The following NDUFAF7 variants were observed in gnomAD, a reference collection of about 807,000 sequenced individuals.
The protein encoded by NDUFAF7 is protein arginine methyltransferase NDUFAF7, mitochondrial.
In NDUFAF7, 48 loss-of-function variants were observed where a neutral mutation model predicts 47.2. The ratio of observed to expected loss-of-function variants is 1.02; its 90% CI spans 0.81 to 1.29. NDUFAF7 has a LOEUF of 1.29. Ranked by LOEUF, NDUFAF7 falls within the 50% of genes most tolerant of loss-of-function variation. The probability of loss-of-function intolerance (pLI) is 0.00; values close to 1 mark genes in which losing one functional copy is unlikely to be tolerated. For synonymous variants in NDUFAF7, 217 were observed against 190.0 expected, an observed-to-expected ratio of 1.14 and a Z score of -1.17; for missense variants, 635 against 537.6, an observed-to-expected ratio of 1.18 and a Z score of -1.79.
the NDUFAF7 span, chr2:37,267,628 T>C: frequency 2.2e-5 from 21 of 942,954 alleles, no homozygotes; most frequent in South Asian, 2.2e-4. Context: ...GTATTTACTC[T>C]TGAATTTTCT....
the NDUFAF7 span, among the ~76,000 whole-genome samples, chr2:37,261,472 G>A: frequency 6.9e-6 from 1 of 144,344 alleles, no homozygotes; most frequent in Non-Finnish European, 1.5e-5. Context: ...GGGAGACAGA[G>A]CGAGACTTTG....
intron 5 of NDUFAF7, chr2:37,242,023 GT>G (rs1666401897): frequency 1.8e-6 from 1 of 570,508 alleles, no homozygotes; most frequent in Non-Finnish European, 3.1e-6. Flanking sequence ...CAAACAAAAT[GT>G]AAATCTCCTT....
At chr2:37,261,939 A>G in the NDUFAF7 span, among the ~76,000 whole-genome samples, 2 of 152,238 alleles carry the variant, frequency 1.3e-5, no homozygotes, top group South Asian at 2.1e-4. Flanking sequence ...CATAAATTAC[A>G]TAAGATATTC....
chr2:37,247,654 TA>T, intron 9 of NDUFAF7, 25 bp downstream of exon 9: 1 of 1,611,218 alleles, frequency 6.2e-7, no homozygotes, highest in South Asian at 1.1e-5. Context: ...ATTTCACTGT[TA>T]TTAAGTACTT....
downstream of NDUFAF7, among the ~76,000 whole-genome samples, chr2:37,250,135 G>C (rs1237184796): frequency 1.3e-5 from 2 of 151,560 alleles, no homozygotes; most frequent in Non-Finnish European, 2.9e-5. Flanking sequence ...TAAAAGATTA[G>C]ACACCCCTGC....
At chr2:37,240,499 A>T (rs1280078498) in intron 4 of NDUFAF7, among the ~76,000 whole-genome samples, 2 of 151,898 alleles carry the variant, frequency 1.3e-5, no homozygotes, top group East Asian at 3.8e-4. Flanking sequence ...TAAAGGATTT[A>T]AAAAATATAT....
the NDUFAF7 span, among the ~76,000 whole-genome samples, chr2:37,259,283 C>A: frequency 6.6e-6 from 1 of 152,178 alleles, no homozygotes; most frequent in African/African-American, 2.4e-5. Flanking sequence ...GGTATTTATC[C>A]TAAGTACCAT....
intron 3 of NDUFAF7, among the ~76,000 whole-genome samples, chr2:37,237,485 C>T (rs574704428): frequency 6.6e-6 from 1 of 152,216 alleles, no homozygotes; most frequent in Admixed American, 6.5e-5. Flanking sequence ...TAATACCTTT[C>T]TGCTAGTGAT....
chr2:37,256,966 G>T, downstream of NDUFAF7: 4 of 1,608,722 alleles, frequency 2.5e-6, no homozygotes, highest in Non-Finnish European at 3.4e-6. Context: ...TTGTATTATA[G>T]TGTTATATAT....
rs1030966417 is a variant in NDUFAF7 at position 37,248,771 on chromosome 2, G to A, written c.*421G>A. The A allele has an allele frequency of 1.2e-5, 3 of 247,132 alleles. No individual in the cohort carries two copies. Among genetic ancestry groups the A allele is most frequent in the African/African-American group, 2.3e-5 (1 of 43,872 alleles). 15.3% of individuals were successfully genotyped at this position (247,132 alleles called of 1,614,324 possible). On this transcript the variant is annotated 3_prime_UTR_variant, in exon 10 of 10. Transcript: ENST00000002125. ...CTCTACTAAAAATACAAAACTAGCC[G>A]GGTATGGTGGTACATGCCTGTAATC...
At chr2:37,270,258 T>C in the NDUFAF7 span, among the ~76,000 whole-genome samples, 2 of 150,500 alleles carry the variant, frequency 1.3e-5, no homozygotes, top group Admixed American at 6.7e-5. Context: ...ATTTATTAAG[T>C]AGTGATCTAT....
chr2:37,233,640 AG>A (rs200691353), intron 2 of NDUFAF7, among the ~76,000 whole-genome samples: 3,282 of 148,290 alleles, frequency 0.022, 92 homozygotes, highest in Middle Eastern at 0.038. Context: ...AAAAAAAAAA[AG>A]TGAGCCTGGT....
At chr2:37,269,341 C>T in the NDUFAF7 span, 1 of 399,902 alleles carries the variant, frequency 2.5e-6, no homozygotes, top group Non-Finnish European at 4.7e-6. Context: ...ATCTCCCCCC[C>T]TGCCTCCGAC....
chr2:37,232,061 T>C (rs764485999), intron 1 of NDUFAF7, 45 bp from the exon 2 acceptor site: 1 of 1,613,946 alleles, frequency 6.2e-7, no homozygotes, highest in Admixed American at 1.7e-5. Flanking sequence ...CGCTCGTGAA[T>C]GGTCAGATTT....
chr2:37,244,230 C>T (rs181250640), intron 7 of NDUFAF7, among the ~76,000 whole-genome samples: 1 of 152,198 alleles, frequency 6.6e-6, no homozygotes, highest in Non-Finnish European at 1.5e-5. Context: ...AAGTCTCTTA[C>T]TTTCACTGCT....
Position 37,232,271 on chromosome 2 carries a change from G to A in NDUFAF7, c.216+5G>A. 6.2e-7 allele frequency: 1 copy of A among 1,612,580 alleles called. No homozygotes were observed. Among genetic ancestry groups the A allele is most frequent in the Non-Finnish European group, 8.5e-7 (1 of 1,179,958 alleles). On this transcript the variant is annotated splice_donor_5th_base_variant and intron_variant, in intron 2 of 9. Transcript: ENST00000002125. The stretch of plus-strand genomic sequence containing the variant: ...GTGTTGACTAATCCAGCCAAGGTAT[G>A]GGTCGGGTAGCCCGAGGACTAGGCC...
the NDUFAF7 span, among the ~76,000 whole-genome samples, chr2:37,267,004 A>C: frequency 6.6e-6 from 1 of 152,226 alleles, no homozygotes; most frequent in Non-Finnish European, 1.5e-5. Context: ...ATATATCTTT[A>C]AAATACGCCC....
chr2:37,259,656 T>G, the NDUFAF7 span: 12 of 1,612,672 alleles, frequency 7.4e-6, no homozygotes. Flanking sequence ...ATTCTTAAAA[T>G]GCAGATTCCT....
the NDUFAF7 span, among the ~76,000 whole-genome samples, chr2:37,263,527 CCTT>C: frequency 4.7e-3 from 713 of 152,154 alleles, 6 homozygotes; most frequent in African/African-American, 0.017. Flanking sequence ...GTCTGTTTCT[CCTT>C]GTTTTTAGTT....
Sources: allele counts gnomAD v4.1 joint callset (sites outside exome capture counted in the v4.1 genomes callset), GRCh38; gene constraint gnomAD v4.1.1; transcripts MANE v1.5; gene names NCBI Gene and HGNC (gene_info 2026-07-23, HGNC 2026-07-21).